DEPDC1B: variants seen among roughly 807,000 people sequenced by gnomAD.
DEPDC1B encodes the protein DEP domain-containing protein 1B.
In DEPDC1B, 51 loss-of-function variants were observed where a neutral mutation model predicts 66.5. The observed-to-expected ratio is 0.77, with a 90% CI of 0.61 to 0.97. The LOEUF is 0.97. Ranked by LOEUF, DEPDC1B falls within the 50% of genes least tolerant of loss-of-function variation. DEPDC1B has a pLI of 0.00. For missense variants in DEPDC1B, 552 were observed against 637.1 expected (o/e 0.87, Z 1.44); for synonymous variants, 226 against 223.6 (o/e 1.01, Z -0.10).
intron 7 of DEPDC1B, among the ~76,000 whole-genome samples, chr5:60,621,338 T>C (rs3857237): frequency 0.073 from 11,099 of 151,264 alleles, 967 homozygotes; most frequent in African/African-American, 0.21. Flanking sequence ...ATGTGGCACA[T>C]ATACACCATG....
chr5:60,618,770 C>A (rs1414638920), intron 7 of DEPDC1B, among the ~76,000 whole-genome samples: 1 of 152,214 alleles, frequency 6.6e-6, no homozygotes, highest in African/African-American at 2.4e-5. Flanking sequence ...AAGAGGGAAT[C>A]CTCCCTAACT....
rs147338675 is a variant in DEPDC1B, at chr5:60,633,674, T to C, written c.898+5076A>G. 1.3e-4 allele frequency among the ~76,000 whole-genome samples: 20 copies of C among 152,308 alleles called. No homozygotes were observed. The East Asian group carries it at 3.9e-3, about 29-fold the overall frequency. On this transcript the variant is annotated intron_variant, in intron 7 of 10. Transcript: ENST00000265036. The stretch of plus-strand genomic sequence containing the variant: ...AGCTGCCCAGGCTAAATCACCAGCC[T>C]GTAGATTTGTGAGCTGAAAAGAGAA...
At chr5:60,677,326 A>ACT (rs70975391) in intron 2 of DEPDC1B, among the ~76,000 whole-genome samples, 4,153 of 108,278 alleles carry the variant, frequency 0.038, 89 homozygotes, top group Non-Finnish European at 0.05. Context: ...ACACACACAC[A>ACT]CTCTCTCTCT....
chr5:60,659,329 G>A (rs1009062244), intron 2 of DEPDC1B, among the ~76,000 whole-genome samples: 28 of 152,146 alleles, frequency 1.8e-4, no homozygotes, highest in African/African-American at 6.0e-4. Flanking sequence ...GAGTAATATC[G>A]GACCACTTTC....
intron 7 of DEPDC1B, among the ~76,000 whole-genome samples, chr5:60,608,861 C>T (rs1752362630): frequency 6.6e-6 from 1 of 152,114 alleles, no homozygotes; most frequent in Admixed American, 6.6e-5. Context: ...ATAATCTCAG[C>T]ATTTTGGGAG....
At chr5:60,640,558 G>A (rs1753165059) in intron 6 of DEPDC1B, among the ~76,000 whole-genome samples, 2 of 152,118 alleles carry the variant, frequency 1.3e-5, no homozygotes, top group East Asian at 1.9e-4. Context: ...ACTTTTTTGT[G>A]TCTATTTTTT....
chr5:60,645,520 C>T lies in DEPDC1B; in HGVS notation c.550G>A (p.Glu184Lys). Reference protein sequence around the residue: ...RRQLTEANVEEIWKSMTLSYL... With the variant: ...RRQLTEANVEKIWKSMTLSYL... ...GATAATGTCATAGACTTCCATATCT[C>T]TTCTACATTGGCCTCTGTCAGCTGT... Residue 184 changes from glutamate (E) to lysine (K), a missense_variant, in exon 4 of 11, where the codon GAG becomes AAG. By Grantham distance (56) the Glu-to-Lys change is moderately conservative. Transcript: ENST00000265036. 6.2e-7 allele frequency: 1 copy of T among 1,612,606 alleles called. No homozygotes were observed. Among genetic ancestry groups the T allele is most frequent in the Non-Finnish European group, 8.5e-7 (1 of 1,179,280 alleles).
At chr5:60,676,209 C>T (rs1754155936) in intron 2 of DEPDC1B, among the ~76,000 whole-genome samples, 1 of 150,644 alleles carries the variant, frequency 6.6e-6, no homozygotes, top group East Asian at 2.0e-4. Flanking sequence ...CGACTACAGG[C>T]GTCAGCCACT....
At chr5:60,629,930 A>T (rs1000376749) in intron 7 of DEPDC1B, among the ~76,000 whole-genome samples, 2 of 152,220 alleles carry the variant, frequency 1.3e-5, no homozygotes, top group Non-Finnish European at 2.9e-5. Context: ...GAAAACAGAA[A>T]AATTATTTCC....
chr5:60,690,119 C>A (rs879778012), intron 1 of DEPDC1B, among the ~76,000 whole-genome samples: 1 of 151,930 alleles, frequency 6.6e-6, no homozygotes, highest in Non-Finnish European at 1.5e-5. Context: ...ATTTAATAAA[C>A]CTGAAGTGTT....
chr5:60,631,290 C>G (rs752945909), intron 7 of DEPDC1B, among the ~76,000 whole-genome samples: 7 of 152,228 alleles, frequency 4.6e-5, no homozygotes, highest in Non-Finnish European at 7.3e-5. Flanking sequence ...CCTCAAGAAT[C>G]AATGAATATG....
In DEPDC1B at chr5:60,659,644, C is replaced by A. The variant is rs560101381; in HGVS notation, c.315-12111G>T. 2.0e-4 allele frequency among the ~76,000 whole-genome samples: 31 copies of A among 152,330 alleles called. No individual in the cohort carries two copies. In the South Asian group the frequency reaches 3.3e-3, roughly 16 times the overall value. ...AGCCAGAAGTCTCTATTCAACCAGC[C>A]GCCCATGTATGCGCCCCACCTTTCC... On this transcript the variant is annotated intron_variant, in intron 2 of 10. Transcript: ENST00000265036.
chr5:60,643,788 C>T (rs916108113), intron 5 of DEPDC1B, among the ~76,000 whole-genome samples: 2 of 152,074 alleles, frequency 1.3e-5, no homozygotes, highest in Admixed American at 6.6e-5. Context: ...ATAAAGTCAC[C>T]ACAAACTTAT....
intron 7 of DEPDC1B, among the ~76,000 whole-genome samples, chr5:60,607,318 T>C (rs1055707575): frequency 1.2e-4 from 18 of 152,308 alleles, no homozygotes; most frequent in African/African-American, 4.3e-4. Context: ...AGACAGATCT[T>C]TTCTAGACCA....
intron 7 of DEPDC1B, among the ~76,000 whole-genome samples, chr5:60,636,157 C>T (rs1753039592): frequency 6.6e-6 from 1 of 152,160 alleles, no homozygotes; most frequent in African/African-American, 2.4e-5. Context: ...TCTGATCTCA[C>T]TACAAGGAAT....
chr5:60,690,742 T>G (rs531149354), intron 1 of DEPDC1B, among the ~76,000 whole-genome samples: 2 of 152,358 alleles, frequency 1.3e-5, no homozygotes, highest in African/African-American at 4.8e-5. Context: ...AGTTGTTTTT[T>G]GTTTGTTTTG....
chr5:60,612,536 A>C (rs1013551088), intron 7 of DEPDC1B, among the ~76,000 whole-genome samples: 1 of 151,002 alleles, frequency 6.6e-6, no homozygotes, highest in African/African-American at 2.4e-5. Context: ...CTCAAAAAAA[A>C]AAAAAAAAAA....
intron 10 of DEPDC1B, 21 bp from the exon 11 acceptor site, chr5:60,597,935 AG>A (rs749416215): frequency 6.5e-7 from 1 of 1,548,922 alleles, no homozygotes; most frequent in African/African-American, 1.4e-5. Context: ...GAATGGTCCA[AG>A]AAGAGTAAAA....
chr5:60,689,315 A>G (rs890218741), intron 1 of DEPDC1B, among the ~76,000 whole-genome samples: 2 of 152,236 alleles, frequency 1.3e-5, no homozygotes, highest in South Asian at 2.1e-4. Flanking sequence ...CTGTGAAGTT[A>G]TATCAGTGAG....
Sources: allele counts gnomAD v4.1 joint callset (sites outside exome capture counted in the v4.1 genomes callset), GRCh38; gene constraint gnomAD v4.1.1; transcripts MANE v1.5; gene names NCBI Gene and HGNC (gene_info 2026-07-23, HGNC 2026-07-21).